The following ADAMTS19 variants were observed in gnomAD, a reference collection of about 807,000 sequenced individuals.
The protein encoded by ADAMTS19 is ADAM metallopeptidase with thrombospondin type 1 motif 19, also known as A disintegrin and metalloproteinase with thrombospondin motifs 19.
Under a neutral mutation model 153.3 loss-of-function variants are expected in ADAMTS19, and 93 were observed. The ratio of observed to expected loss-of-function variants is 0.61; its 90% CI spans 0.51 to 0.72. The LOEUF (loss-of-function observed/expected upper bound fraction) is 0.72. ADAMTS19 is among the 30% of genes least tolerant of loss of function. The pLI, the probability that ADAMTS19 is intolerant of heterozygous loss-of-function variation, is 0.00. For synonymous variants in ADAMTS19, 600 were observed against 556.6 expected (o/e 1.08, Z -1.10); for missense variants, 1,482 against 1,552.1 (o/e 0.95, Z 0.76).
chr5:129,478,673 A>G (rs1750308180), intron 2 of ADAMTS19, among the ~76,000 whole-genome samples: 1 of 152,000 alleles, frequency 6.6e-6, no homozygotes, highest in East Asian at 1.9e-4. Flanking sequence ...CAGCCTCCCC[A>G]GTTGCCAGAC....
chr5:129,611,601 A>G (rs1011312959), intron 8 of ADAMTS19, among the ~76,000 whole-genome samples: 9 of 151,962 alleles, frequency 5.9e-5, no homozygotes, highest in Admixed American at 1.3e-4. Context: ...ATGGTTGTAG[A>G]TGTGTGGTAT....
At chr5:129,587,488 G>A (rs540737142) in intron 7 of ADAMTS19, among the ~76,000 whole-genome samples, 4 of 152,130 alleles carry the variant, frequency 2.6e-5, no homozygotes, top group African/African-American at 9.6e-5. Context: ...AGCAATGGAG[G>A]TTCCAGATGA....
At chr5:129,596,222 T>C (rs574720159) in intron 7 of ADAMTS19, among the ~76,000 whole-genome samples, 1 of 152,218 alleles carries the variant, frequency 6.6e-6, no homozygotes, top group African/African-American at 2.4e-5. Flanking sequence ...TCATTGCTGT[T>C]TGATTATATT....
intron 15 of ADAMTS19, 146 bp from the exon 16 acceptor site, chr5:129,665,353 T>G: frequency 1.9e-6 from 1 of 523,902 alleles, no homozygotes; most frequent in Non-Finnish European, 3.3e-6. Context: ...TCATGACAGC[T>G]TTTATATATA....
chr5:129,679,147 T>C (rs532115140), intron 16 of ADAMTS19, among the ~76,000 whole-genome samples: 1 of 152,348 alleles, frequency 6.6e-6, no homozygotes, highest in Admixed American at 6.5e-5. Context: ...CCTATATAGA[T>C]GATTGTTGCT....
At chr5:129,644,717 A>C (rs540422976) in intron 11 of ADAMTS19, among the ~76,000 whole-genome samples, 8 of 152,324 alleles carry the variant, frequency 5.3e-5, no homozygotes, top group Admixed American at 1.3e-4. Flanking sequence ...TGATTTATTC[A>C]AAAATAATAA....
intron 6 of ADAMTS19, among the ~76,000 whole-genome samples, chr5:129,539,038 CTGTT>C (rs1418927791): frequency 6.6e-6 from 1 of 152,052 alleles, no homozygotes; most frequent in Non-Finnish European, 1.5e-5. Flanking sequence ...ACAGTTTTCT[CTGTT>C]TGTTTGCTTT....
intron 3 of ADAMTS19, among the ~76,000 whole-genome samples, chr5:129,509,785 G>A (rs1012014515): frequency 5.3e-5 from 8 of 152,042 alleles, no homozygotes; most frequent in Admixed American, 1.3e-4. Flanking sequence ...GAACTTTTCA[G>A]AGGCTCATAA....
chr5:129,470,002 G>C (rs748057394), intron 2 of ADAMTS19, among the ~76,000 whole-genome samples: 19 of 152,164 alleles, frequency 1.2e-4, no homozygotes, highest in Non-Finnish European at 2.6e-4. Flanking sequence ...TTGTGATGCT[G>C]ATCGAATAAG....
chr5:129,658,347 A>AAGAGAGAGAGAGAGAGAGAG (rs1294171239), intron 14 of ADAMTS19, among the ~76,000 whole-genome samples: 9 of 115,992 alleles, frequency 7.8e-5, no homozygotes, highest in African/African-American at 3.3e-4. Context: ...GAAAGAAAGA[A>AAGAGAGAGAGAGAGAGAGAG]AGAAAGAAAG....
At chr5:129,702,740 C>T (rs764263313) in intron 20 of ADAMTS19, among the ~76,000 whole-genome samples, 5 of 151,590 alleles carry the variant, frequency 3.3e-5, no homozygotes, top group East Asian at 3.9e-4. Flanking sequence ...AATACCCCAC[C>T]GCAACCCAAT....
chr5:129,547,071 G>T (rs1752886642), intron 6 of ADAMTS19, among the ~76,000 whole-genome samples: 1 of 150,840 alleles, frequency 6.6e-6, no homozygotes, highest in Non-Finnish European at 1.5e-5. Flanking sequence ...CTGAAAATAT[G>T]TTATCCCATA....
At chr5:129,589,674 T>C (rs1426228324) in intron 7 of ADAMTS19, among the ~76,000 whole-genome samples, 3 of 152,238 alleles carry the variant, frequency 2.0e-5, no homozygotes, top group Admixed American at 6.5e-5. Flanking sequence ...TCTCTCTCTT[T>C]ATGTTAAAAA....
At chr5:129,614,946 C>G (rs953047640) in intron 8 of ADAMTS19, among the ~76,000 whole-genome samples, 1 of 151,836 alleles carries the variant, frequency 6.6e-6, no homozygotes, top group East Asian at 1.9e-4. Context: ...ATTGATTCAA[C>G]GAGAATGAAA....
At chr5:129,725,769 C>T (rs1757183636) in intron 21 of ADAMTS19, among the ~76,000 whole-genome samples, 1 of 152,032 alleles carries the variant, frequency 6.6e-6, no homozygotes, top group Admixed American at 6.6e-5. Context: ...ACCACCCATT[C>T]ATGGCCTAAA....
intron 17 of ADAMTS19, among the ~76,000 whole-genome samples, chr5:129,683,440 T>G (rs1412387994): frequency 6.6e-6 from 1 of 152,104 alleles, no homozygotes; most frequent in Non-Finnish European, 1.5e-5. Context: ...ACTGTACAAT[T>G]ATTAATATTA....
At chr5:129,663,306 G>T (rs1481947487) in intron 15 of ADAMTS19, among the ~76,000 whole-genome samples, 1 of 152,078 alleles carries the variant, frequency 6.6e-6, no homozygotes, top group Non-Finnish European at 1.5e-5. Context: ...TTATTTCCAT[G>T]CCTTAACTTG....
intron 20 of ADAMTS19, 143 bp from the exon 21 acceptor site, chr5:129,704,096 T>G (rs1756033423): frequency 2.3e-6 from 2 of 851,276 alleles, no homozygotes; most frequent in South Asian, 2.0e-5. Context: ...GTTGTTACCT[T>G]TAAACTTATT....
chr5:129,506,964 T>C (rs963889965), intron 2 of ADAMTS19, among the ~76,000 whole-genome samples: 4 of 152,036 alleles, frequency 2.6e-5, no homozygotes, highest in Non-Finnish European at 5.9e-5. Context: ...ATAAAGGTGC[T>C]GTAACTTTCC....
Sources: gnomAD v4.1 joint callset for allele counts (sites outside exome capture counted in the v4.1 genomes callset) on GRCh38, gnomAD v4.1.1 for gene constraint, MANE v1.5 for transcripts, NCBI Gene and HGNC (gene_info 2026-07-23, HGNC 2026-07-21) for gene names.